NTRK1: variants seen among roughly 807,000 people sequenced by gnomAD.
NTRK1 encodes high affinity nerve growth factor receptor.
Under a neutral mutation model 86.8 loss-of-function variants are expected in NTRK1, and 62 were observed. The observed-to-expected ratio is 0.71, with a 90% CI of 0.58 to 0.88. NTRK1 has a LOEUF of 0.88. NTRK1 is among the 40% of genes least tolerant of loss of function. The pLI, the probability that NTRK1 is intolerant of heterozygous loss-of-function variation, is 0.00. For synonymous variants in NTRK1, 469 were observed against 456.6 expected, an observed-to-expected ratio of 1.03 and a Z score of -0.35; for missense variants, 967 against 1,078.4, an observed-to-expected ratio of 0.90 and a Z score of 1.45.
chr1:156,871,894 C>T (rs1391474538), intron 7 of NTRK1, 139 bp downstream of exon 7: 2 of 1,204,764 alleles, frequency 1.7e-6, no homozygotes, highest in Admixed American at 1.9e-5. Flanking sequence ...TTCCAGATTC[C>T]CATGAAAACC....
At chr1:156,866,336 G>T (rs1028979166) in intron 3 of NTRK1, among the ~76,000 whole-genome samples, 3 of 152,220 alleles carry the variant, frequency 2.0e-5, no homozygotes, top group Admixed American at 2.0e-4. Context: ...CCCCTGCTGG[G>T]CTCACTTTTT....
intron 2 of NTRK1, chr1:156,845,742 T>C (rs1654975660): frequency 4.3e-6 from 7 of 1,613,454 alleles, no homozygotes; most frequent in Non-Finnish European, 5.9e-6. Context: ...GCAGTCGGAC[T>C]CCATCTCGGC....
chr1:156,878,837 G>A (rs915786934), intron 14 of NTRK1, among the ~76,000 whole-genome samples: 2 of 152,182 alleles, frequency 1.3e-5, no homozygotes, highest in Non-Finnish European at 2.9e-5. Flanking sequence ...CCTATGGCAA[G>A]GGATGTAGGG....
In NTRK1 at chr1:156,875,004, C is replaced by G. The variant is rs2102912454; in HGVS notation, c.1350C>G (p.Ile450Met). Residue 450 changes from isoleucine (I) to methionine (M), a missense_variant, in exon 11 of 17, where the codon ATC (isoleucine) becomes ATG (methionine). Around this residue, in one of 2 missense-constraint regions of NTRK1, gnomAD observed 637 missense variants for 776.5 expected, o/e 0.82. Coordinates refer to ENST00000524377, the MANE Select transcript of NTRK1 (RefSeq NM_002529.4). Reference protein sequence around the residue: ...NKCGRRNKFGINRPAVLAPED... With the variant: ...NKCGRRNKFGMNRPAVLAPED... ...GTGGACGGAGAAACAAGTTTGGGAT[C>G]AACCGTGAGTCGGGGCTGCAGAGGG... The G allele has an allele frequency of 6.2e-7, 1 of 1,610,466 alleles. No homozygotes were observed.
intron 2 of NTRK1, among the ~76,000 whole-genome samples, chr1:156,855,018 G>A (rs2102871155): frequency 6.6e-6 from 1 of 152,184 alleles, no homozygotes; most frequent in South Asian, 2.1e-4. Flanking sequence ...TGTAACAGGA[G>A]CTTTACTACT....
In NTRK1 at chr1:156,876,095, A is replaced by AGCGCCGGGACATC; in HGVS notation, c.1519_1531dup (p.Val511AlafsTer22). On this transcript the variant is annotated frameshift_variant, in exon 13 of 17. Coordinates refer to ENST00000524377, the MANE Select transcript of NTRK1 (RefSeq NM_002529.4). LOFTEE classifies it high-confidence loss of function. ...GCCCCCTCAGGTGTTCACCACATCA[A>AGCGCCGGGACATC]GCGCCGGGACATCGTGCTCAAGTGG... 2.5e-6 allele frequency: 4 copies of AGCGCCGGGACATC among 1,614,184 alleles called. No homozygotes were observed. The highest frequency in any genetic ancestry group is 3.4e-6 in the Non-Finnish European group (4 of 1,180,028).
chr1:156,879,438 C>T (rs2102925730), intron 15 of NTRK1, 76 bp downstream of exon 15: 1 of 1,529,606 alleles, frequency 6.5e-7, no homozygotes, highest in Non-Finnish European at 8.8e-7. Context: ...CCACTGAGAG[C>T]CTGCCCTTGC....
intron 2 of NTRK1, chr1:156,844,630 A>G: frequency 6.2e-7 from 1 of 1,614,084 alleles, no homozygotes; most frequent in Non-Finnish European, 8.5e-7. Flanking sequence ...GCCTCCTGAG[A>G]GTAACGCAGA....
At chr1:156,856,163 T>G (rs1011479196), upstream of NTRK1, among the ~76,000 whole-genome samples, 17 of 152,148 alleles carry the variant, frequency 1.1e-4, no homozygotes, top group Non-Finnish European at 2.2e-4. Context: ...ACATAGATAT[T>G]TATTTATAGA....
chr1:156,856,001 G>A (rs909352995), upstream of NTRK1, among the ~76,000 whole-genome samples: 5 of 151,874 alleles, frequency 3.3e-5, no homozygotes, highest in Non-Finnish European at 7.4e-5. Flanking sequence ...AGTGTAGTGG[G>A]AGGATCATAG....
At chr1:156,833,936 C>A (rs751454023) in intron 1 of NTRK1, among the ~76,000 whole-genome samples, 2 of 152,242 alleles carry the variant, frequency 1.3e-5, no homozygotes, top group Non-Finnish European at 2.9e-5. Context: ...ACAACCTCAA[C>A]TCGCCTCTTT....
chr1:156,864,071 A>T (rs1245081441), intron 1 of NTRK1, among the ~76,000 whole-genome samples: 1 of 152,036 alleles, frequency 6.6e-6, no homozygotes, highest in Non-Finnish European at 1.5e-5. Flanking sequence ...CATGTGTGCA[A>T]GAGGTATGTG....
At chr1:156,831,563 G>C (rs1431826397) in intron 1 of NTRK1, among the ~76,000 whole-genome samples, 2 of 152,142 alleles carry the variant, frequency 1.3e-5, no homozygotes, top group African/African-American at 2.4e-5. Context: ...AATCTGGAGA[G>C]ACTGGCAGAG....
chr1:156,829,561 G>A (rs1184136439), intron 1 of NTRK1, among the ~76,000 whole-genome samples: 3 of 151,526 alleles, frequency 2.0e-5, no homozygotes, highest in Admixed American at 6.5e-5. Context: ...ACTGTCTCTC[G>A]TTGGGCCCAG....
In NTRK1 at chr1:156,839,903, G is replaced by A. The variant is rs572927696; in HGVS notation, c.-63-2178G>A. 1.8e-4 allele frequency among the ~76,000 whole-genome samples: 28 copies of A among 152,222 alleles called. No homozygotes were observed. The South Asian group carries it at 3.5e-3, about 19-fold the overall frequency. On this transcript the variant is annotated intron_variant, in intron 1 of 16. Transcript: ENST00000392302. ...CTGCCTCACTGCCATGGCAACCCTG[G>A]CTGCTCGGGTCCTCATGGAGGTGGT...
chr1:156,861,296 C>G, intron 1 of NTRK1, 150 bp downstream of exon 1: 1 of 875,044 alleles, frequency 1.1e-6, no homozygotes, highest in Non-Finnish European at 1.6e-6. Flanking sequence ...CCCGGGCGTT[C>G]CTCCGCAGCC....
chr1:156,864,676 G>A (rs1354402686), intron 2 of NTRK1, 52 bp from the exon 3 acceptor site: 2 of 1,583,728 alleles, frequency 1.3e-6, no homozygotes, highest in Non-Finnish European at 1.7e-6. Flanking sequence ...GGAGGGCCAG[G>A]GGCCCAGAGT....
At chr1:156,832,792 G>T (rs369022819) in intron 1 of NTRK1, among the ~76,000 whole-genome samples, 2 of 152,170 alleles carry the variant, frequency 1.3e-5, no homozygotes, top group Non-Finnish European at 2.9e-5. Context: ...TTCATTTATG[G>T]TGCTCTTGTA....
rs568229919 is a variant in NTRK1 at position 156,855,441 on chromosome 1, T to C, written c.51-8913T>C. Among the ~76,000 whole-genome samples, 3 of 152,228 alleles carry C rather than the reference T, an allele frequency of 2.0e-5. No homozygotes were observed. In the South Asian group the frequency reaches 6.2e-4, roughly 32 times the overall value. On this transcript the variant is annotated intron_variant, in intron 2 of 16. Coordinates refer to the NTRK1 transcript ENST00000392302. ...GCTGGTCTCCAACTCCTGACCTCAATTGATCCACCCACCTTGGCCTCCCAA... is the reference window on the plus strand; with the variant it reads ...GCTGGTCTCCAACTCCTGACCTCAACTGATCCACCCACCTTGGCCTCCCAA...
Sources: gnomAD v4.1 joint callset for allele counts (sites outside exome capture counted in the v4.1 genomes callset) on GRCh38, gnomAD v4.1.1 for gene constraint, gnomAD v4.1.1 regional missense constraint, MANE v1.5 for transcripts, NCBI Gene and HGNC (gene_info 2026-07-23, HGNC 2026-07-21) for gene names.